TSKS: variants seen among roughly 807,000 people sequenced by gnomAD.
TSKS encodes the protein testis specific serine kinase substrate.
In TSKS, 27 loss-of-function variants were observed where a neutral mutation model predicts 68.0. That is an observed-to-expected ratio of 0.40 (90% confidence interval 0.29 to 0.55). The LOEUF (loss-of-function observed/expected upper bound fraction) is 0.55. Among genes scored for constraint, TSKS ranks in the 20% least tolerant of loss-of-function variants. The pLI, the probability that TSKS is intolerant of heterozygous loss-of-function variation, is 0.53. For synonymous variants in TSKS, 331 were observed against 340.4 expected, an observed-to-expected ratio of 0.97 and a Z score of 0.30; for missense variants, 806 against 776.0, an observed-to-expected ratio of 1.04 and a Z score of -0.46.
chr19:49,744,046 T>C (rs1011173963), intron 8 of TSKS, among the ~76,000 whole-genome samples, 185 bp downstream of exon 8: 2 of 152,168 alleles, frequency 1.3e-5, no homozygotes, highest in Non-Finnish European at 2.9e-5. Flanking sequence ...ACACTGATTC[T>C]ACCTTGTAGA....
chr19:49,745,443 G>A (rs1294390210), intron 6 of TSKS, 47 bp from the exon 7 acceptor site: 4 of 1,417,634 alleles, frequency 2.8e-6, no homozygotes, highest in Admixed American at 2.4e-5. Flanking sequence ...GCTTCAACAG[G>A]TCCCCACCTA....
At chr19:49,743,053 A>G (rs150666544) in intron 8 of TSKS, among the ~76,000 whole-genome samples, 2 of 150,450 alleles carry the variant, frequency 1.3e-5, no homozygotes, top group East Asian at 1.9e-4. Flanking sequence ...CCCACAATGC[A>G]CTGGAAATAT....
intron 2 of TSKS, among the ~76,000 whole-genome samples, chr19:49,756,295 C>CA (rs1600198942): frequency 6.6e-6 from 1 of 151,700 alleles, no homozygotes; most frequent in Non-Finnish European, 1.5e-5. Context: ...CCATCTCTAC[C>CA]AAAAAATTTA....
At position 49,744,297 on chromosome 19, in the gene TSKS, C is replaced by T. The variant is rs746282153; in HGVS notation, c.1295G>A (p.Arg432Gln). ...EEFGRQFQNS[R>Q]RGPDLSMNLD... ...GTTCATGGAGAGGTCAGGCCCTCTT[C>T]GAGAGTTCTGAAATTGCCGCCCGAA... Residue 432 changes from arginine to glutamine, a missense_variant, in exon 8 of 11, where the codon CGA (arginine) becomes CAA (glutamine). Arg to Gln is a conservative substitution (Grantham distance 43, BLOSUM62 1). Transcript: ENST00000246801. The T allele has an allele frequency of 1.9e-6, 3 of 1,614,096 alleles. No individual in the cohort carries two copies. Among genetic ancestry groups the T allele is most frequent in the South Asian group, 2.2e-5 (2 of 91,066 alleles).
chr19:49,753,437 C>T (rs907631149), intron 2 of TSKS, among the ~76,000 whole-genome samples: 1 of 151,904 alleles, frequency 6.6e-6, no homozygotes, highest in Non-Finnish European at 1.5e-5. Flanking sequence ...TGGCGGGCGC[C>T]TGTAGTCCCA....
chr19:49,748,929 T>C (rs1458185626), intron 2 of TSKS, among the ~76,000 whole-genome samples: 1 of 152,118 alleles, frequency 6.6e-6, no homozygotes. Flanking sequence ...TAGCTAGGCG[T>C]GGTGGTGCCT....
chr19:49,755,598 A>T (rs2084386384), intron 2 of TSKS, among the ~76,000 whole-genome samples: 1 of 152,218 alleles, frequency 6.6e-6, no homozygotes, highest in South Asian at 2.1e-4. Flanking sequence ...TGGGAGGCCA[A>T]GATGGGAGGA....
intron 2 of TSKS, among the ~76,000 whole-genome samples, chr19:49,749,087 C>G (rs2084327416): frequency 6.6e-6 from 1 of 152,016 alleles, no homozygotes; most frequent in East Asian, 1.9e-4. Context: ...TCCTTGGGGT[C>G]CACAGCTTAA....
At chr19:49,758,246 C>T (rs1025494432) in intron 2 of TSKS, among the ~76,000 whole-genome samples, 3 of 152,132 alleles carry the variant, frequency 2.0e-5, no homozygotes, top group African/African-American at 4.8e-5. Context: ...TCTGCCTGTC[C>T]CCGCCTTCTC....
Position 49,744,401 on chromosome 19 carries a change from C to CACATG in TSKS, c.1190_1191insCATGT (p.Glu398MetfsTer12). ...AAGCCACAGACACTGCTGACCGCTCCACCCTGAGGCATGAGTAACCAGTGC... is the reference window on the plus strand; with the variant it reads ...AAGCCACAGACACTGCTGACCGCTCCACATGACCCTGAGGCATGAGTAACCAGTGC... On this transcript the variant is annotated frameshift_variant, in exon 8 of 11. Transcript: ENST00000246801. LOFTEE classifies it high-confidence loss of function. The CACATG allele has an allele frequency of 6.2e-7, 1 of 1,612,120 alleles. No homozygotes were observed. The highest frequency in any genetic ancestry group is 1.1e-5 in the South Asian group (1 of 91,052).
At chr19:49,744,570 T>C in intron 7 of TSKS, among the ~76,000 whole-genome samples, 166 bp from the exon 8 acceptor site, 1 of 152,142 alleles carries the variant, frequency 6.6e-6, no homozygotes, top group Admixed American at 6.6e-5. Context: ...TATTTTACTT[T>C]ATGTTATGTT....
rs768296703 is a variant in TSKS at position 49,748,177 on chromosome 19, T to C, written c.496-9A>G. 1.2e-6 allele frequency: 2 copies of C among 1,614,002 alleles called. No homozygotes were observed. Among genetic ancestry groups the C allele is most frequent in the African/African-American group, 1.3e-5 (1 of 75,014 alleles). ...AGCACAGAACACTCGCTCTGGAGCA[T>C]GGAAGGAGGAGAGGTTAGCCAAGGA... is the stretch of plus-strand genomic sequence containing the variant. On this transcript the variant is annotated splice_polypyrimidine_tract_variant and intron_variant, in intron 3 of 10. Coordinates refer to ENST00000246801, the MANE Select transcript of TSKS (RefSeq NM_021733.2).
At position 49,745,383 on chromosome 19, in the gene TSKS, A is replaced by G; in HGVS notation, c.1006T>C (p.Ser336Pro). 6.4e-7 allele frequency: 1 copy of G among 1,569,058 alleles called. No individual in the cohort carries two copies. Among genetic ancestry groups the G allele is most frequent in the Non-Finnish European group, 8.6e-7 (1 of 1,161,214 alleles). ...GIEELRREVSSLTARWHQEEG... is the reference protein window; with the variant it reads ...GIEELRREVSPLTARWHQEEG... ...TCCTGATGCCACCGGGCGGTCAGTG[A>G]GGACACCTCTCTCCTGGAGGGGCAG... Residue 336 changes from serine (S) to proline (P), a missense_variant, in exon 7 of 11, where the codon TCA becomes CCA. Physicochemically the swap from Ser to Pro is moderately conservative, Grantham distance 74. Transcript: ENST00000246801.
At chr19:49,753,590 AT>A (rs1286066337) in intron 2 of TSKS, among the ~76,000 whole-genome samples, 41 of 147,150 alleles carry the variant, frequency 2.8e-4, no homozygotes, top group African/African-American at 7.9e-4. Context: ...AATAATAATA[AT>A]AATAAAATAA....
chr19:49,741,405 G>A (rs566635432), intron 9 of TSKS, among the ~76,000 whole-genome samples: 2 of 152,254 alleles, frequency 1.3e-5, no homozygotes, highest in East Asian at 3.9e-4. Flanking sequence ...CAACTATTGG[G>A]CTGAGTGTGT....
intron 9 of TSKS, among the ~76,000 whole-genome samples, chr19:49,740,860 GA>G (rs879777623): frequency 1.3e-4 from 19 of 141,246 alleles, no homozygotes; most frequent in Middle Eastern, 4.8e-3. Context: ...CTCCAGCCTG[GA>G]GCAACAGAGC....
At chr19:49,745,481 C>T (rs555301648) in intron 6 of TSKS, 85 bp from the exon 7 acceptor site, 2 of 1,194,948 alleles carry the variant, frequency 1.7e-6, no homozygotes, top group East Asian at 2.7e-5. Context: ...GGACAGGACT[C>T]ACCTATCTCG....
In TSKS at chr19:49,757,890, C is replaced by CT. The variant is rs745890038; in HGVS notation, c.399+4113dup. ...TTTCTACTCTTTAGGTCTCTGTCTTCTTTTTTTTTTTTTTTTTTTGAGATA... is the reference window on the plus strand; with the variant it reads ...TTTCTACTCTTTAGGTCTCTGTCTTCTTTTTTTTTTTTTTTTTTTTGAGATA... On this transcript the variant is annotated intron_variant, in intron 2 of 10. Coordinates refer to ENST00000246801, the MANE Select transcript of TSKS (RefSeq NM_021733.2). Among the ~76,000 whole-genome samples, 1,233 of 130,174 alleles carry CT rather than the reference C, an allele frequency of 9.5e-3. 10 individuals are homozygous for CT. The highest frequency in any genetic ancestry group is 0.019 in the Middle Eastern group (5 of 258). The allele number at this position is 130,174 out of a possible 152,430, so 85.4% of individuals were successfully genotyped here. A position where few individuals can be genotyped will look rare whatever the true frequency, so the allele number is the denominator to read the frequency against.
chr19:49,743,491 TTC>T, intron 8 of TSKS, among the ~76,000 whole-genome samples: 2 of 147,474 alleles, frequency 1.4e-5, no homozygotes, highest in African/African-American at 5.1e-5. Context: ...CCAAGTGAAT[TTC>T]TTTTTTTTTT....
Sources: allele counts gnomAD v4.1 joint callset (sites outside exome capture counted in the v4.1 genomes callset), GRCh38; gene constraint gnomAD v4.1.1; transcripts MANE v1.5; gene names NCBI Gene and HGNC (gene_info 2026-07-23, HGNC 2026-07-21).